MTUS2: variants seen among roughly 807,000 people sequenced by gnomAD.
The protein encoded by MTUS2 is microtubule-associated tumor suppressor candidate 2.
In MTUS2, 40 loss-of-function variants were observed where a neutral mutation model predicts 114.1. The ratio of observed to expected loss-of-function variants is 0.35; its 90% CI spans 0.27 to 0.46. The LOEUF is 0.46. Ranked by LOEUF, MTUS2 falls within the 20% of genes least tolerant of loss-of-function variation. The pLI is 1.00. For synonymous variants in MTUS2, 688 were observed against 672.0 expected (o/e 1.02, Z -0.37); for missense variants, 1,679 against 1,705.4 (o/e 0.98, Z 0.27).
rs33929048 is a variant in MTUS2 at position 28,945,179 on chromosome 13, T to TTATATATATATA, written c.-242-79273_-242-79262dup. On this transcript the variant is annotated intron_variant, in intron 2 of 15. Transcript: ENST00000612955. ...TTTTTTATGGATGAGTAGTATTCCA[T>TTATATATATATA]TATATATATATATATACACCACATT... Among the ~76,000 whole-genome samples the TTATATATATATA allele has an allele frequency of 8.8e-5, 13 of 147,180 alleles. No individual in the cohort carries two copies. The East Asian group carries it at 2.2e-3, about 24-fold the overall frequency.
chr13:28,822,500 T>C (rs749335128), intron 1 of MTUS2, among the ~76,000 whole-genome samples: 8 of 152,166 alleles, frequency 5.3e-5, no homozygotes, highest in Non-Finnish European at 1.2e-4. Context: ...TGCTTAGCGA[T>C]TTTCTAGAGA....
At chr13:29,252,226 C>A (rs1897145862) in intron 5 of MTUS2, among the ~76,000 whole-genome samples, 1 of 151,858 alleles carries the variant, frequency 6.6e-6, no homozygotes, top group South Asian at 2.1e-4. Context: ...TTAAGTAATC[C>A]CCTTTCTACA....
At chr13:29,097,198 A>G (rs1304737000) in intron 4 of MTUS2, among the ~76,000 whole-genome samples, 2 of 152,204 alleles carry the variant, frequency 1.3e-5, no homozygotes, top group East Asian at 3.8e-4. Flanking sequence ...ATTGTGGTTC[A>G]AGTGCCACTG....
intron 2 of MTUS2, among the ~76,000 whole-genome samples, chr13:28,856,578 AC>A (rs1267475050): frequency 5.9e-5 from 9 of 152,258 alleles, no homozygotes; most frequent in Non-Finnish European, 1.0e-4. Flanking sequence ...TTTGCCAGCA[AC>A]AACAGCAGTG....
intron 5 of MTUS2, among the ~76,000 whole-genome samples, chr13:29,235,545 A>G (rs1896503730): frequency 1.3e-5 from 2 of 152,182 alleles, no homozygotes; most frequent in Admixed American, 6.5e-5. Context: ...GTTAATCTTA[A>G]TGGTTCAGTT....
chr13:28,854,767 T>C (rs999120302), intron 2 of MTUS2, among the ~76,000 whole-genome samples: 1 of 152,144 alleles, frequency 6.6e-6, no homozygotes, highest in African/African-American at 2.4e-5. Context: ...GCCAGTAGAA[T>C]CTGATCACTG....
chr13:29,475,107 G>T (rs1880598008), intron 9 of MTUS2, among the ~76,000 whole-genome samples: 1 of 152,172 alleles, frequency 6.6e-6, no homozygotes. Context: ...TCCATGTACA[G>T]CCATGCACCA....
At chr13:29,476,197 G>C (rs1240079098) in intron 9 of MTUS2, among the ~76,000 whole-genome samples, 1 of 152,094 alleles carries the variant, frequency 6.6e-6, no homozygotes, top group African/African-American at 2.4e-5. Context: ...ATATGGCCTC[G>C]GTGGGTAGTA....
chr13:29,377,510 A>G (rs1871845081), intron 8 of MTUS2, among the ~76,000 whole-genome samples: 1 of 152,220 alleles, frequency 6.6e-6, no homozygotes, highest in South Asian at 2.1e-4. Context: ...TAAATTACAC[A>G]CTTCTAAGTA....
At chr13:29,300,857 TA>T (rs1230402038) in intron 6 of MTUS2, among the ~76,000 whole-genome samples, 2 of 152,136 alleles carry the variant, frequency 1.3e-5, no homozygotes, top group Admixed American at 6.5e-5. Context: ...CAAGCCACTA[TA>T]AAAAAATTAA....
chr13:29,199,576 G>A lies in MTUS2; in HGVS notation c.2645-82128G>A, dbSNP rs146568295. Among the ~76,000 whole-genome samples, 259 of 152,222 alleles carry A rather than the reference G, an allele frequency of 1.7e-3. 1 individual carries two copies. Among genetic ancestry groups the A allele is most frequent in the African/African-American group, 4.1e-3 (170 of 41,534 alleles). ...TGGTGGATAAGCTTTTTGATGTTCT[G>A]TGGGGTTCAGTTTGCCAGTATTTTA... On this transcript the variant is annotated intron_variant, in intron 5 of 15. Coordinates refer to ENST00000612955, the MANE Select transcript of MTUS2 (RefSeq NM_001033602.4).
intron 4 of MTUS2, among the ~76,000 whole-genome samples, chr13:29,058,261 T>C (rs1352977190): frequency 1.3e-5 from 2 of 150,430 alleles, no homozygotes; most frequent in African/African-American, 2.4e-5. Flanking sequence ...GTCTTAGGGA[T>C]GGTCATCTTG....
chr13:29,354,488 TGTC>T (rs1242547992), intron 7 of MTUS2, among the ~76,000 whole-genome samples: 1 of 152,200 alleles, frequency 6.6e-6, no homozygotes, highest in African/African-American at 2.4e-5. Context: ...CGTTTTATCT[TGTC>T]TAGAGAGTGG....
intron 5 of MTUS2, among the ~76,000 whole-genome samples, chr13:29,244,656 A>G (rs9314945): frequency 0.93 from 141,852 of 152,172 alleles, 66,938 homozygotes; most frequent in East Asian, 1. Context: ...AATGAGGTAA[A>G]ATTAAAAGTA....
intron 4 of MTUS2, among the ~76,000 whole-genome samples, chr13:29,041,496 T>C (rs1887356404): frequency 6.6e-6 from 1 of 152,202 alleles, no homozygotes; most frequent in African/African-American, 2.4e-5. Context: ...GGTGGTATAT[T>C]GATGGAAATT....
At chr13:29,144,060 G>A (rs1892332708) in intron 5 of MTUS2, among the ~76,000 whole-genome samples, 1 of 152,192 alleles carries the variant, frequency 6.6e-6, no homozygotes, top group Admixed American at 6.5e-5. Flanking sequence ...CTAAACAGCA[G>A]GGTGAGTAGG....
intron 5 of MTUS2, among the ~76,000 whole-genome samples, chr13:29,123,567 A>G (rs928493437): frequency 6.6e-6 from 1 of 152,092 alleles, no homozygotes; most frequent in African/African-American, 2.4e-5. Flanking sequence ...AAATACAAAA[A>G]TTAGCTGGGC....
intron 9 of MTUS2, among the ~76,000 whole-genome samples, chr13:29,474,295 G>A (rs532852460): frequency 5.3e-5 from 8 of 152,172 alleles, no homozygotes; most frequent in Non-Finnish European, 1.0e-4. Context: ...GCCTCTAGTA[G>A]AGTGCCTGGT....
chr13:29,315,493 G>T (rs113040523), intron 6 of MTUS2, among the ~76,000 whole-genome samples: 3,476 of 152,226 alleles, frequency 0.023, 149 homozygotes, highest in African/African-American at 0.08. Context: ...TAAAAGGTAT[G>T]CAAAGAATGA....
Sources: gnomAD v4.1 joint callset for allele counts (sites outside exome capture counted in the v4.1 genomes callset) on GRCh38, gnomAD v4.1.1 for gene constraint, MANE v1.5 for transcripts, NCBI Gene and HGNC (gene_info 2026-07-23, HGNC 2026-07-21) for gene names.